The following PLAC1 variants were observed in gnomAD, a reference collection of about 807,000 sequenced individuals.
PLAC1 encodes the protein placenta associated 1.
For missense variants in PLAC1, 136 were observed against 163.2 expected (o/e 0.83, Z 0.91); for synonymous variants, 68 against 62.1 (o/e 1.09, Z -0.44).
intron 2 of PLAC1, among the ~76,000 whole-genome samples, chrX:134,669,615 C>T (rs906441199): frequency 6.3e-5 from 7 of 111,878 alleles, no homozygotes; most frequent in Non-Finnish European, 1.3e-4. Flanking sequence ...GGGAGCCTTG[C>T]AGAATGGGTA....
chrX:134,595,182 T>C (rs2078056807), intron 2 of PLAC1, among the ~76,000 whole-genome samples: 1 of 111,344 alleles, frequency 9.0e-6, no homozygotes, highest in Non-Finnish European at 1.9e-5. Context: ...GTTATCTGTC[T>C]GTTATTAATT....
intron 1 of PLAC1, among the ~76,000 whole-genome samples, chrX:134,636,540 A>C (rs979533725): frequency 1.8e-5 from 2 of 112,380 alleles, no homozygotes; most frequent in Non-Finnish European, 3.8e-5. Context: ...CCAAATGCTG[A>C]TGAGATTCAA....
chrX:134,696,148 T>C (rs1308863143), intron 2 of PLAC1, among the ~76,000 whole-genome samples: 1 of 112,204 alleles, frequency 8.9e-6, no homozygotes, highest in East Asian at 2.8e-4. Flanking sequence ...GGCAACTCTA[T>C]CTACCACCAC....
intron 1 of PLAC1, among the ~76,000 whole-genome samples, chrX:134,603,874 C>A (rs1012112550): frequency 1.1e-4 from 12 of 112,046 alleles, no homozygotes; most frequent in Non-Finnish European, 7.5e-5. Flanking sequence ...AGATTACTTA[C>A]ATATCCACAA....
chrX:134,717,359 G>A (rs1404968456), intron 2 of PLAC1, among the ~76,000 whole-genome samples: 1 of 111,528 alleles, frequency 9.0e-6, no homozygotes, highest in Non-Finnish European at 1.9e-5. Context: ...TGGGTTCAAG[G>A]GATTCTCCTG....
chrX:134,764,262 TC>T (rs746353351), exon 1 of PLAC1: 1 of 112,517 alleles, frequency 8.9e-6, no homozygotes, highest in East Asian at 2.8e-4. Context: ...GACAGACTCC[TC>T]GTGTAAGTTT....
rs770757140 is a variant in PLAC1, at chrX:134,760,648, G to C, written n.89+3586C>G. ...ATACAGTGTTAGGTTAAAAAAAAAA[G>C]GTTAAGGTACATAACAATACCTATA... is the stretch of plus-strand genomic sequence containing the variant. On this transcript the variant is annotated intron_variant and non_coding_transcript_variant, in intron 1 of 2. Coordinates refer to the PLAC1 transcript ENST00000466797. 4.5e-5 allele frequency among the ~76,000 whole-genome samples: 5 copies of C among 109,979 alleles called. No individual in the cohort carries two copies. In the East Asian group the frequency reaches 1.4e-3, roughly 31 times the overall value.
chrX:134,640,474 G>A (rs777257258), intron 1 of PLAC1, among the ~76,000 whole-genome samples: 1 of 111,462 alleles, frequency 9.0e-6, no homozygotes, highest in South Asian at 3.8e-4. Flanking sequence ...TTTTCCTTCC[G>A]TCCTTCCCTT....
intron 2 of PLAC1, among the ~76,000 whole-genome samples, chrX:134,722,598 T>G (rs1238257398): frequency 8.9e-6 from 1 of 111,766 alleles, no homozygotes; most frequent in Non-Finnish European, 1.9e-5. Flanking sequence ...TGGAATTGAA[T>G]AGTAGTGATG....
At chrX:134,632,598 A>C (rs1250931822) in intron 1 of PLAC1, among the ~76,000 whole-genome samples, 6 of 111,455 alleles carry the variant, frequency 5.4e-5, no homozygotes, top group Non-Finnish European at 9.4e-5. Context: ...CCTTCTATCA[A>C]GTCCCATCCC....
intron 1 of PLAC1, among the ~76,000 whole-genome samples, chrX:134,652,715 A>C (rs1390772454): frequency 6.0e-5 from 6 of 99,564 alleles, no homozygotes; most frequent in African/African-American, 1.8e-4. Flanking sequence ...TCTACCTCAC[A>C]GTGCTGTGGT....
At chrX:134,621,444 CAAAAAAAAAAAA>C (rs11317429) in intron 1 of PLAC1, among the ~76,000 whole-genome samples, 918 of 33,911 alleles carry the variant, frequency 0.027, 21 homozygotes, top group African/African-American at 0.098. Flanking sequence ...GGCTCTGTCT[CAAAAAAAAAAAA>C]AAAAAAAAAA....
chrX:134,629,970 T>C (rs866858820), intron 1 of PLAC1, among the ~76,000 whole-genome samples: 116 of 97,273 alleles, frequency 1.2e-3, no homozygotes, highest in African/African-American at 4.2e-3. Context: ...CTTCTTCCCT[T>C]TTTTTTTTTT....
At chrX:134,705,021 T>TAC (rs1556156722) in intron 2 of PLAC1, among the ~76,000 whole-genome samples, 57 of 98,295 alleles carry the variant, frequency 5.8e-4, no homozygotes, top group East Asian at 3.8e-3. Flanking sequence ...TATATATATA[T>TAC]ACACACACAC....
At chrX:134,688,881 G>A (rs1602910501) in intron 2 of PLAC1, among the ~76,000 whole-genome samples, 1 of 111,718 alleles carries the variant, frequency 9.0e-6, no homozygotes, top group East Asian at 2.8e-4. Flanking sequence ...TTACTTGGAT[G>A]TTTCTTTACC....
chrX:134,637,945 G>A (rs984770153), intron 1 of PLAC1, among the ~76,000 whole-genome samples: 1 of 112,227 alleles, frequency 8.9e-6, no homozygotes, highest in Non-Finnish European at 1.9e-5. Context: ...CACAGCAGGT[G>A]CTCAATAAAT....
At chrX:134,649,264 CAAA>C (rs898452361) in intron 1 of PLAC1, among the ~76,000 whole-genome samples, 3 of 40,328 alleles carry the variant, frequency 7.4e-5, no homozygotes, top group Admixed American at 3.1e-4. Context: ...GACTCCATCT[CAAA>C]AAAAAAAAAA....
chrX:134,637,323 C>T (rs1182183044), intron 1 of PLAC1, among the ~76,000 whole-genome samples: 1 of 111,429 alleles, frequency 9.0e-6, no homozygotes, highest in African/African-American at 3.3e-5. Flanking sequence ...AGACATTGAC[C>T]AGGCTTTCCC....
chrX:134,602,007 T>C (rs1213358443), intron 2 of PLAC1, 44 bp downstream of exon 2: 1 of 112,308 alleles, frequency 8.9e-6, no homozygotes, highest in Non-Finnish European at 1.9e-5. Context: ...AGTTAACCTG[T>C]TGGTTATCAG....
Sources: gnomAD v4.1 joint callset for allele counts (sites outside exome capture counted in the v4.1 genomes callset) on GRCh38, gnomAD v4.1.1 for gene constraint, MANE v1.5 for transcripts, NCBI Gene and HGNC (gene_info 2026-07-23, HGNC 2026-07-21) for gene names.